The following PLPPR5 variants were observed in gnomAD, a reference collection of about 807,000 sequenced individuals.
The protein encoded by PLPPR5 is phospholipid phosphatase related 5.
A neutral mutation model predicts 33.9 loss-of-function variants in PLPPR5; 16 were observed. The ratio of observed to expected loss-of-function variants is 0.47; its 90% CI spans 0.32 to 0.72. The LOEUF (loss-of-function observed/expected upper bound fraction) is 0.72. Ranked by LOEUF, PLPPR5 falls within the 30% of genes least tolerant of loss-of-function variation. PLPPR5 has a pLI of 0.03. For synonymous variants in PLPPR5, 163 were observed against 150.3 expected (o/e 1.08, Z -0.62); for missense variants, 301 against 406.7 (o/e 0.74, Z 2.23).
Position 98,891,512 on chromosome 1 carries a change from T to C in PLPPR5, c.*1560A>G, listed in dbSNP as rs529494276. 1.9e-3 allele frequency: 284 copies of C among 152,088 alleles called. 1 individual carries two copies. Among genetic ancestry groups the C allele is most frequent in the Middle Eastern group, 6.8e-3 (2 of 294 alleles). 9.4% of individuals were successfully genotyped at this position (152,088 alleles called of 1,614,324 possible). A position where few individuals can be genotyped will look rare whatever the true frequency, so the allele number is the denominator to read the frequency against. On this transcript the variant is annotated 3_prime_UTR_variant, in exon 6 of 6. Transcript: ENST00000263177. ...GTTGAGGAGCTCACCTTCCTTATATTATGGCGATTGTAATCTGGAATTCTA... is the reference window on the plus strand; with the variant it reads ...GTTGAGGAGCTCACCTTCCTTATATCATGGCGATTGTAATCTGGAATTCTA...
intron 3 of PLPPR5, among the ~76,000 whole-genome samples, chr1:98,934,293 G>A (rs1350194588): frequency 6.6e-6 from 1 of 152,176 alleles, no homozygotes; most frequent in Non-Finnish European, 1.5e-5. Flanking sequence ...ATGCAAGCTT[G>A]TCATCCCTGG....
At chr1:98,977,198 T>G (rs1015693594) in intron 1 of PLPPR5, among the ~76,000 whole-genome samples, 1 of 152,036 alleles carries the variant, frequency 6.6e-6, no homozygotes, top group Admixed American at 6.6e-5. Context: ...CATTTGTGGA[T>G]GGATTAAATA....
At chr1:98,996,249 C>A (rs1001421837) in intron 1 of PLPPR5, among the ~76,000 whole-genome samples, 1 of 151,890 alleles carries the variant, frequency 6.6e-6, no homozygotes, top group African/African-American at 2.4e-5. Context: ...CAAGAAACTA[C>A]AAATGTATTA....
At chr1:98,950,429 A>C (rs1237647546) in intron 3 of PLPPR5, among the ~76,000 whole-genome samples, 1 of 152,220 alleles carries the variant, frequency 6.6e-6, no homozygotes, top group East Asian at 1.9e-4. Flanking sequence ...CCCAATTTTT[A>C]TTATAGAACA....
rs1325509997 is a variant in PLPPR5 at position 99,004,716 on chromosome 1, A to T, written c.-45T>A. 2 of 1,341,482 alleles carry T rather than the reference A, an allele frequency of 1.5e-6. No homozygotes were observed. The highest frequency in any genetic ancestry group is 2.0e-6 in the Non-Finnish European group (2 of 1,019,454). 83.1% of individuals were successfully genotyped at this position (1,341,482 alleles called of 1,614,324 possible). On this transcript the variant is annotated 5_prime_UTR_variant, in exon 1 of 6. Coordinates refer to ENST00000263177, the MANE Select transcript of PLPPR5 (RefSeq NM_001037317.2). ...CCGAGCCGAGCCGAGCGGGCGGTCG[A>T]CGCGGTGGGCCCCCTCCCCGGTCCG... is the stretch of plus-strand genomic sequence containing the variant.
In PLPPR5 at chr1:99,004,771, G is replaced by A; in HGVS notation, c.-100C>T. 1.5e-6 allele frequency: 1 copy of A among 671,244 alleles called. No homozygotes were observed. The highest frequency in any genetic ancestry group is 7.3e-5 in the South Asian group (1 of 13,716). 41.6% of individuals were successfully genotyped at this position (671,244 alleles called of 1,614,324 possible). A position where few individuals can be genotyped will look rare whatever the true frequency, so the allele number is the denominator to read the frequency against. On this transcript the variant is annotated 5_prime_UTR_variant, in exon 1 of 6. Transcript: ENST00000263177. ...GGCAGCCACCGGGGGCGCGGCGGCG[G>A]AGGCGGCGGGAGGACGAGGCACGGG...
chr1:98,968,564 T>C (rs1035613703), intron 1 of PLPPR5, among the ~76,000 whole-genome samples: 1 of 152,062 alleles, frequency 6.6e-6, no homozygotes, highest in African/African-American at 2.4e-5. Flanking sequence ...GGATGTTAAG[T>C]GATATTTTCT....
chr1:98,976,723 A>T (rs1424134372), intron 1 of PLPPR5, among the ~76,000 whole-genome samples: 1 of 152,046 alleles, frequency 6.6e-6, no homozygotes, highest in Non-Finnish European at 1.5e-5. Context: ...ATAAAAAATA[A>T]CTTATTAATA....
At chr1:99,001,691 T>G (rs985586283) in intron 1 of PLPPR5, among the ~76,000 whole-genome samples, 2 of 144,456 alleles carry the variant, frequency 1.4e-5, no homozygotes, top group African/African-American at 5.0e-5. Flanking sequence ...TATATATATA[T>G]ATATATATAT....
intron 3 of PLPPR5, among the ~76,000 whole-genome samples, chr1:98,939,240 AAAT>A (rs1460698929): frequency 6.6e-6 from 1 of 152,004 alleles, no homozygotes; most frequent in African/African-American, 2.4e-5. Flanking sequence ...TAAATCAATA[AAAT>A]AATGATTATT....
intron 2 of PLPPR5, among the ~76,000 whole-genome samples, chr1:98,954,852 T>C (rs1160073332): frequency 6.6e-6 from 1 of 152,140 alleles, no homozygotes; most frequent in African/African-American, 2.4e-5. Flanking sequence ...TCTTCTTCAT[T>C]TGTACACCTT....
Position 98,955,391 on chromosome 1 carries a change from A to G in PLPPR5, c.370+1218T>C, listed in dbSNP as rs370587536. 5.9e-5 allele frequency among the ~76,000 whole-genome samples: 9 copies of G among 152,116 alleles called. No individual in the cohort carries two copies. The East Asian group carries it at 1.7e-3, about 29-fold the overall frequency. On this transcript the variant is annotated intron_variant, in intron 2 of 5. Coordinates refer to ENST00000263177, the MANE Select transcript of PLPPR5 (RefSeq NM_001037317.2). The stretch of plus-strand genomic sequence containing the variant: ...TTTAGGAAAGCATCAATTTCTTTAA[A>G]TAGTTTTAATTCTAAGCATATTGTT...
intron 5 of PLPPR5, among the ~76,000 whole-genome samples, chr1:98,911,530 T>C (rs575979090): frequency 5.7e-4 from 87 of 152,260 alleles, no homozygotes; most frequent in Non-Finnish European, 9.3e-4. Flanking sequence ...AACAAGAACC[T>C]TTTAAATAAT....
Position 99,004,674 on chromosome 1 carries a change from A to G in PLPPR5, c.-3T>C. The G allele has an allele frequency of 5.0e-6, 8 of 1,597,878 alleles. No individual in the cohort carries two copies. Among genetic ancestry groups the G allele is most frequent in the Non-Finnish European group, 6.8e-6 (8 of 1,173,314 alleles). ...AGCGCCGCGGGCAGCAGGGGCATGC[A>G]CGCCTCCCGGGCCGGGCCGAGCCGA... On this transcript the variant is annotated 5_prime_UTR_variant, in exon 1 of 6. Coordinates refer to ENST00000263177, the MANE Select transcript of PLPPR5 (RefSeq NM_001037317.2).
intron 3 of PLPPR5, among the ~76,000 whole-genome samples, chr1:98,936,975 T>C: frequency 6.6e-6 from 1 of 152,312 alleles, no homozygotes; most frequent in African/African-American, 2.4e-5. Flanking sequence ...GTGACAGCTA[T>C]AGAGAAACAG....
chr1:98,895,889 A>T (rs1321638031), intron 5 of PLPPR5, among the ~76,000 whole-genome samples: 2 of 152,078 alleles, frequency 1.3e-5, no homozygotes, highest in Non-Finnish European at 2.9e-5. Context: ...GAGAAAATTA[A>T]GGGGAAATTT....
intron 1 of PLPPR5, among the ~76,000 whole-genome samples, chr1:98,983,928 T>C (rs1023896089): frequency 6.7e-6 from 1 of 150,066 alleles, no homozygotes; most frequent in African/African-American, 2.5e-5. Flanking sequence ...CGCCCACTTT[T>C]TGATGGGTTG....
At position 98,907,483 on chromosome 1, in the gene PLPPR5, C is replaced by T. The variant is rs148729412; in HGVS notation, c.933+7303G>A. Among the ~76,000 whole-genome samples, 477 of 152,136 alleles carry T rather than the reference C, an allele frequency of 3.1e-3. 2 individuals carry two copies. Among genetic ancestry groups the T allele is most frequent in the African/African-American group, 9.7e-3 (403 of 41,514 alleles). Reference sequence around the variant, plus strand: ...TGCTGGGATTACAAGTGTGAGCCACCGCACCCAGCCAAATTTCTTGTAATC... The same window carrying T: ...TGCTGGGATTACAAGTGTGAGCCACTGCACCCAGCCAAATTTCTTGTAATC... On this transcript the variant is annotated intron_variant, in intron 5 of 5. Transcript: ENST00000263177.
chr1:98,986,072 C>T (rs1208666089), intron 1 of PLPPR5, among the ~76,000 whole-genome samples: 4 of 151,822 alleles, frequency 2.6e-5, no homozygotes, highest in Non-Finnish European at 2.9e-5. Context: ...CACTTGTCAC[C>T]GTTTCAAAAA....
Sources: allele counts gnomAD v4.1 joint callset (sites outside exome capture counted in the v4.1 genomes callset), GRCh38; gene constraint gnomAD v4.1.1; transcripts MANE v1.5; gene names NCBI Gene and HGNC (gene_info 2026-07-23, HGNC 2026-07-21).